Variants in CNTLN observed in about 807,000 individuals in gnomAD.
CNTLN encodes the protein centlein.
A neutral mutation model predicts 180.0 loss-of-function variants in CNTLN; 212 were observed. That is an observed-to-expected ratio of 1.18 (90% CI 1.05 to 1.32). CNTLN has a LOEUF of 1.32. CNTLN is among the 40% of genes most tolerant of loss of function. The probability of loss-of-function intolerance (pLI) is 0.00; values close to 1 mark genes in which losing one functional copy is unlikely to be tolerated. For synonymous variants in CNTLN, 722 were observed against 563.1 expected (o/e 1.28, Z -3.99); for missense variants, 2,095 against 1,610.9 (o/e 1.30, Z -5.14).
rs376549976 is a variant in CNTLN, at chr9:17,298,285, T to C, written c.1079T>C (p.Met360Thr). 1.9e-5 allele frequency: 30 copies of C among 1,613,534 alleles called. No individual in the cohort carries two copies. Among genetic ancestry groups the C allele is most frequent in the Non-Finnish European group, 4.2e-6 (5 of 1,179,848 alleles). ...ATCCAGCAGCTTCAGGTTCTCAATA[T>C]GGACACACAAAAAGTACTGAGAAAT... ...ELIQQLQVLN[M>T]DTQKVLRNQE... Residue 360 changes from methionine to threonine, a missense_variant, in exon 7 of 26, where the codon ATG becomes ACG. Met to Thr is a moderately conservative substitution (Grantham distance 81, BLOSUM62 -1). Transcript: ENST00000380647.
chr9:17,249,470 TC>T (rs1335505784), intron 5 of CNTLN, among the ~76,000 whole-genome samples: 2 of 150,508 alleles, frequency 1.3e-5, no homozygotes, highest in African/African-American at 4.9e-5. Flanking sequence ...TGCTTCAGCC[TC>T]CCGAGTAGCT....
At chr9:17,458,279 T>A (rs2134164215) in intron 19 of CNTLN, among the ~76,000 whole-genome samples, 1 of 151,882 alleles carries the variant, frequency 6.6e-6, no homozygotes, top group South Asian at 2.1e-4. Context: ...AAAGTAAGGC[T>A]GTCCTTAGTT....
intron 2 of CNTLN, among the ~76,000 whole-genome samples, chr9:17,198,032 A>G (rs1822248377): frequency 1.3e-5 from 2 of 152,114 alleles, no homozygotes; most frequent in Admixed American, 6.5e-5. Flanking sequence ...CTTTGTTGAC[A>G]ATGAGTTCAC....
intron 8 of CNTLN, among the ~76,000 whole-genome samples, chr9:17,318,211 A>G (rs1819661599): frequency 6.6e-6 from 1 of 151,548 alleles, no homozygotes; most frequent in African/African-American, 2.4e-5. Context: ...TTGTATTTTT[A>G]GTAGAGATGG....
intron 3 of CNTLN, 91 bp from the exon 4 acceptor site, chr9:17,235,567 C>G (rs1360514591): frequency 9.7e-7 from 1 of 1,030,936 alleles, no homozygotes; most frequent in African/African-American, 1.7e-5. Context: ...TTAATCATCA[C>G]ATTAGCAAAT....
At chr9:17,302,391 G>A (rs1387072409) in intron 7 of CNTLN, among the ~76,000 whole-genome samples, 1 of 151,996 alleles carries the variant, frequency 6.6e-6, no homozygotes, top group East Asian at 1.9e-4. Flanking sequence ...TAGAGACTGA[G>A]TTTCACCATG....
intron 12 of CNTLN, among the ~76,000 whole-genome samples, chr9:17,348,164 G>C (rs1021132419): frequency 6.6e-6 from 1 of 151,998 alleles, no homozygotes; most frequent in African/African-American, 2.4e-5. Flanking sequence ...TGAGTATGTC[G>C]TACGTCACTT....
chr9:17,324,075 G>A (rs1451718108), intron 8 of CNTLN, among the ~76,000 whole-genome samples: 1 of 152,150 alleles, frequency 6.6e-6, no homozygotes, highest in Non-Finnish European at 1.5e-5. Context: ...AGGTTTTAAT[G>A]TATAGAGATG....
chr9:17,466,863 A>G lies in CNTLN; in HGVS notation c.3827A>G (p.Lys1276Arg). Residue 1276 changes from lysine to arginine, a missense_variant, in exon 23 of 26, where the codon AAA becomes AGA. Physicochemically the swap from Lys to Arg is conservative, Grantham distance 26. Coordinates refer to ENST00000380647, the MANE Select transcript of CNTLN (RefSeq NM_017738.4). ...AAGACATTGCTGTTAGCCAATGAAA[A>G]AGTAGAAGAGTTCACCACATTTGTG... ...AQKTLLLANE[K>R]VEEFTTFVKA... 1 of 1,609,910 alleles carries G rather than the reference A, an allele frequency of 6.2e-7. No individual in the cohort carries two copies. The highest frequency in any genetic ancestry group is 8.5e-7 in the Non-Finnish European group (1 of 1,177,246).
At chr9:17,355,977 T>C (rs943101725) in intron 12 of CNTLN, among the ~76,000 whole-genome samples, 47 of 149,716 alleles carry the variant, frequency 3.1e-4, no homozygotes, top group African/African-American at 1.0e-3. Context: ...GACAGGAGAC[T>C]GGTGTGAAAC....
intron 5 of CNTLN, among the ~76,000 whole-genome samples, chr9:17,249,867 G>A (rs536825490): frequency 6.8e-6 from 1 of 148,080 alleles, no homozygotes; most frequent in Non-Finnish European, 1.5e-5. Flanking sequence ...TTGGGATAGA[G>A]TATTTCGTAT....
intron 5 of CNTLN, among the ~76,000 whole-genome samples, chr9:17,264,056 C>G (rs966315485): frequency 2.7e-5 from 4 of 145,524 alleles, no homozygotes; most frequent in Admixed American, 1.4e-4. Flanking sequence ...AATTAGATCC[C>G]ATTTGTCAAT....
At chr9:17,440,922 G>C (rs1458747513) in intron 18 of CNTLN, among the ~76,000 whole-genome samples, 2 of 152,206 alleles carry the variant, frequency 1.3e-5, no homozygotes, top group African/African-American at 2.4e-5. Flanking sequence ...TTCAGTGGTT[G>C]ACTAGAGCCA....
At chr9:17,178,667 G>A (rs972049435) in intron 2 of CNTLN, among the ~76,000 whole-genome samples, 3 of 129,634 alleles carry the variant, frequency 2.3e-5, no homozygotes, top group East Asian at 2.3e-4. Context: ...CCGGCTGGCC[G>A]GCCGCTCCAA....
chr9:17,226,288 G>A lies in CNTLN; in HGVS notation c.534+1G>A. On this transcript the variant is annotated splice_donor_variant, in intron 3 of 25. Transcript: ENST00000380647. LOFTEE classifies it high-confidence loss of function. Reference sequence around the variant, plus strand: ...TGCCAAAATACAAGAATTTGAACAGGTTGGTGTTATAATAAAAATATTTAA... The same window carrying A: ...TGCCAAAATACAAGAATTTGAACAGATTGGTGTTATAATAAAAATATTTAA... 1 of 1,502,730 alleles carries A rather than the reference G, an allele frequency of 6.7e-7. No homozygotes were observed. Among genetic ancestry groups the A allele is most frequent in the Non-Finnish European group, 9.0e-7 (1 of 1,114,710 alleles). 93.1% of individuals were successfully genotyped at this position (1,502,730 alleles called of 1,614,324 possible). A position where few individuals can be genotyped will look rare whatever the true frequency, so the allele number is the denominator to read the frequency against.
chr9:17,144,873 C>T (rs866657989), intron 2 of CNTLN, among the ~76,000 whole-genome samples: 1 of 147,394 alleles, frequency 6.8e-6, no homozygotes, highest in South Asian at 2.1e-4. Context: ...CTCGCTCTGT[C>T]GCCCAGGCCA....
At chr9:17,222,092 C>G (rs917166837) in intron 2 of CNTLN, among the ~76,000 whole-genome samples, 2 of 152,002 alleles carry the variant, frequency 1.3e-5, no homozygotes, top group African/African-American at 4.8e-5. Flanking sequence ...AGCATACACA[C>G]AGGCTGTCTT....
chr9:17,501,306 A>G (rs530060277), intron 25 of CNTLN, among the ~76,000 whole-genome samples: 2 of 152,226 alleles, frequency 1.3e-5, no homozygotes, highest in Non-Finnish European at 2.9e-5. Flanking sequence ...TACTGTAAAC[A>G]TAAGAAGGGA....
chr9:17,385,188 T>C (rs996991223), intron 13 of CNTLN, among the ~76,000 whole-genome samples: 2 of 152,216 alleles, frequency 1.3e-5, no homozygotes, highest in African/African-American at 2.4e-5. Flanking sequence ...AGCTTTTGTG[T>C]CCTTTCTGAG....
Sources: gnomAD v4.1 joint callset for allele counts (sites outside exome capture counted in the v4.1 genomes callset) on GRCh38, gnomAD v4.1.1 for gene constraint, MANE v1.5 for transcripts, NCBI Gene and HGNC (gene_info 2026-07-23, HGNC 2026-07-21) for gene names.